Variants in MAST3 observed in about 807,000 individuals in gnomAD.
MAST3 encodes the protein microtubule associated serine/threonine kinase 3.
MAST3 carries 43 observed loss-of-function variants against 127.0 expected under a neutral mutation model. That is an observed-to-expected ratio of 0.34 (90% CI 0.27 to 0.44). The LOEUF (loss-of-function observed/expected upper bound fraction) is 0.44. Ranked by LOEUF, MAST3 falls within the 20% of genes least tolerant of loss-of-function variation. MAST3 has a pLI of 1.00. For synonymous variants in MAST3, 785 were observed against 809.2 expected (o/e 0.97, Z 0.51); for missense variants, 1,390 against 1,919.1 (o/e 0.72, Z 5.15).
chr19:18,147,435 T>TA lies in MAST3; in HGVS notation c.3327-7dup. The TA allele has an allele frequency of 6.2e-7, 1 of 1,613,076 alleles. No individual in the cohort carries two copies. Among genetic ancestry groups the TA allele is most frequent in the Non-Finnish European group, 8.5e-7 (1 of 1,179,504 alleles). On this transcript the variant is annotated splice_polypyrimidine_tract_variant and splice_region_variant and intron_variant, in intron 26 of 27. Transcript: ENST00000687212. ...GGGGTTCTGAAGCCTCCGGTTTTCTTACCCCAGGCGGAAGTCACTTTTCAA... is the reference window on the plus strand; with the variant it reads ...GGGGTTCTGAAGCCTCCGGTTTTCTTAACCCCAGGCGGAAGTCACTTTTCAA...
At chr19:18,099,967 G>T (rs2037424937) in intron 1 of MAST3, among the ~76,000 whole-genome samples, 2 of 152,068 alleles carry the variant, frequency 1.3e-5, no homozygotes, top group African/African-American at 4.8e-5. Context: ...GGGCTGGGAA[G>T]ACTCCTCTGG....
At chr19:18,130,170 C>T (rs2041120478) in intron 13 of MAST3, among the ~76,000 whole-genome samples, 1 of 152,096 alleles carries the variant, frequency 6.6e-6, no homozygotes, top group African/African-American at 2.4e-5. Context: ...GAGCCGTGAT[C>T]TCATGACTGT....
rs962295572 is a variant in MAST3 at position 18,132,054 on chromosome 19, T to C, written c.1571+7T>C. 3 of 1,613,868 alleles carry C rather than the reference T, an allele frequency of 1.9e-6. No homozygotes were observed. Among genetic ancestry groups the C allele is most frequent in the Admixed American group, 3.3e-5 (2 of 60,002 alleles). On this transcript the variant is annotated splice_region_variant and intron_variant, in intron 15 of 27. Transcript: ENST00000687212. Reference sequence around the variant, plus strand: ...GTGACCTCAAACCAGACAAGTGAGCTGAGCTAGCATGAGCGGGGCCTCGCG... The same window carrying C: ...GTGACCTCAAACCAGACAAGTGAGCCGAGCTAGCATGAGCGGGGCCTCGCG...
intron 3 of MAST3, chr19:18,118,044 C>A (rs993687488): frequency 2.4e-5 from 22 of 929,914 alleles, no homozygotes; most frequent in African/African-American, 5.3e-5. Context: ...GCCGCCCCCC[C>A]ATCCCCGCAG....
At chr19:18,113,165 G>C (rs1392934888) in intron 3 of MAST3, among the ~76,000 whole-genome samples, 1 of 152,144 alleles carries the variant, frequency 6.6e-6, no homozygotes, top group Non-Finnish European at 1.5e-5. Flanking sequence ...TCACCACCGG[G>C]GGGCAGCAGA....
chr19:18,137,410 C>T (rs369324937), intron 19 of MAST3, 49 bp downstream of exon 19: 1 of 1,588,184 alleles, frequency 6.3e-7, no homozygotes, highest in Non-Finnish European at 8.6e-7. Flanking sequence ...TCTGCCATCC[C>T]TCAGTCCCTG....
intron 3 of MAST3, among the ~76,000 whole-genome samples, chr19:18,117,549 G>A (rs1300537444): frequency 2.0e-5 from 3 of 152,202 alleles, no homozygotes; most frequent in Non-Finnish European, 4.4e-5. Flanking sequence ...CGGACAGACA[G>A]GAAAGCGGGT....
chr19:18,110,507 G>T lies in MAST3; in HGVS notation c.72-145G>T. On this transcript the variant is annotated intron_variant, in intron 2 of 27. Coordinates refer to ENST00000687212, the MANE Select transcript of MAST3 (RefSeq NM_001393504.1). This position sits in a 1 kb window ranked among gnomAD's most constrained non-coding sequence, Gnocchi z 4.3. Reference sequence around the variant, plus strand: ...CCTCCCGGGCCATCGGTCTGGCCCCGCCCTCACGTCCTGAGCTGAACCCAG... The same window carrying T: ...CCTCCCGGGCCATCGGTCTGGCCCCTCCCTCACGTCCTGAGCTGAACCCAG... 1 of 884,120 alleles carries T rather than the reference G, an allele frequency of 1.1e-6. No homozygotes were observed. Among genetic ancestry groups the T allele is most frequent in the Non-Finnish European group, 1.4e-6 (1 of 737,076 alleles). 54.8% of individuals were successfully genotyped at this position (884,120 alleles called of 1,614,324 possible).
chr19:18,142,741 A>G (rs1161776332), intron 21 of MAST3, among the ~76,000 whole-genome samples: 1 of 145,106 alleles, frequency 6.9e-6, no homozygotes, highest in Non-Finnish European at 1.5e-5. Flanking sequence ...TCAGCCTCAG[A>G]CTCCTGGGCT....
chr19:18,123,426 A>C, intron 7 of MAST3, 52 bp downstream of exon 7: 2 of 1,552,616 alleles, frequency 1.3e-6, no homozygotes, highest in Non-Finnish European at 1.7e-6. Flanking sequence ...GCTGGTGTGG[A>C]GGCCCAAGTT....
At chr19:18,133,933 A>G (rs1054095955) in intron 15 of MAST3, among the ~76,000 whole-genome samples, 3 of 152,114 alleles carry the variant, frequency 2.0e-5, no homozygotes, top group Admixed American at 1.3e-4. Context: ...AAATATATAA[A>G]TGTTTTGCTA....
intron 2 of MAST3, among the ~76,000 whole-genome samples, chr19:18,108,871 T>G (rs2038277846): frequency 6.6e-6 from 1 of 152,072 alleles, no homozygotes; most frequent in Non-Finnish European, 1.5e-5. Context: ...TGAACATTTT[T>G]TTGAGCACCT....
In MAST3 at chr19:18,123,357, C is replaced by CCGCTCT; in HGVS notation, c.544_549dup (p.Arg183_Ser184dup). ...GCGGCCGGTCACCCCGCCTCCGACC[C>CCGCTCT]CGCTCTCGCAGTCTCAGGTGGGCCG... On this transcript the variant is annotated inframe_insertion, in exon 7 of 28. Coordinates refer to ENST00000687212, the MANE Select transcript of MAST3 (RefSeq NM_001393504.1). 6.2e-7 allele frequency: 1 copy of CCGCTCT among 1,612,534 alleles called. No homozygotes were observed. The highest frequency in any genetic ancestry group is 8.5e-7 in the Non-Finnish European group (1 of 1,179,664).
chr19:18,124,262 C>T lies in MAST3; in HGVS notation c.844-3C>T. On this transcript the variant is annotated splice_region_variant and splice_polypyrimidine_tract_variant and intron_variant, in intron 9 of 27. Transcript: ENST00000687212. ...GGGTGATGCCACGACCCACCTCCCC[C>T]AGGCCCATGAGCGTTCGGACAGTGA... 7 of 1,603,526 alleles carry T rather than the reference C, an allele frequency of 4.4e-6. No homozygotes were observed. The highest frequency in any genetic ancestry group is 6.0e-6 in the Non-Finnish European group (7 of 1,174,884).
intron 3 of MAST3, among the ~76,000 whole-genome samples, chr19:18,115,561 G>T (rs1428963633): frequency 6.6e-6 from 1 of 151,932 alleles, no homozygotes; most frequent in Non-Finnish European, 1.5e-5. Context: ...ATACCTGGGG[G>T]TCATAGGTGA....
chr19:18,129,035 C>A, intron 13 of MAST3, 84 bp downstream of exon 13: 1 of 1,198,582 alleles, frequency 8.3e-7, no homozygotes, highest in Non-Finnish European at 1.2e-6. Context: ...CATCCCCCTC[C>A]TACCCCAGCA....
intron 3 of MAST3, among the ~76,000 whole-genome samples, chr19:18,115,084 C>T (rs2039075445): frequency 6.6e-6 from 1 of 152,034 alleles, no homozygotes; most frequent in Non-Finnish European, 1.5e-5. Context: ...AGGGATTCAC[C>T]CAGGAATGCA....
Position 18,135,720 on chromosome 19 carries a change from A to T in MAST3, c.1871-20A>T. On this transcript the variant is annotated intron_variant, in intron 17 of 27. Coordinates refer to ENST00000687212, the MANE Select transcript of MAST3 (RefSeq NM_001393504.1). Reference sequence around the variant, plus strand: ...GCCTTCTCCCTCCCTCCCTCATTTTACCTCCCTCCCTCATTTTAGATGAGA... The same window carrying T: ...GCCTTCTCCCTCCCTCCCTCATTTTTCCTCCCTCCCTCATTTTAGATGAGA... 6.3e-7 allele frequency: 1 copy of T among 1,576,968 alleles called. No individual in the cohort carries two copies. Among genetic ancestry groups the T allele is most frequent in the Non-Finnish European group, 8.7e-7 (1 of 1,153,368 alleles).
chr19:18,111,530 CTTTTT>C (rs576984210), intron 3 of MAST3, among the ~76,000 whole-genome samples: 35 of 103,246 alleles, frequency 3.4e-4, no homozygotes, highest in South Asian at 5.9e-4. Context: ...TTTCCACAGA[CTTTTT>C]TTTTTTTTTT....
Sources: allele counts gnomAD v4.1 joint callset (sites outside exome capture counted in the v4.1 genomes callset), GRCh38; gene constraint gnomAD v4.1.1; non-coding constraint Gnocchi (gnomAD v3.1); transcripts MANE v1.5; gene names NCBI Gene and HGNC (gene_info 2026-07-23, HGNC 2026-07-21).